ENOX1: variants seen among roughly 807,000 people sequenced by gnomAD.
ENOX1 encodes the protein candidate growth-related and time keeping constitutive hydroquinone (NADH) oxidase.
A neutral mutation model predicts 82.5 loss-of-function variants in ENOX1; 42 were observed. The observed-to-expected ratio is 0.51, with a 90% CI of 0.40 to 0.66. ENOX1 has a LOEUF of 0.66. ENOX1 is among the 30% of genes least tolerant of loss of function. The pLI is 0.00. For synonymous variants in ENOX1, 271 were observed against 282.2 expected, an observed-to-expected ratio of 0.96 and a Z score of 0.40; for missense variants, 608 against 811.6, an observed-to-expected ratio of 0.75 and a Z score of 3.05.
chr13:43,453,163 G>A (rs1469070378), intron 3 of ENOX1, among the ~76,000 whole-genome samples: 1 of 152,148 alleles, frequency 6.6e-6, no homozygotes. Flanking sequence ...ACCAGCCCCA[G>A]GGTCATGTCT....
chr13:43,730,034 G>A (rs548994196), intron 1 of ENOX1, among the ~76,000 whole-genome samples: 4 of 152,248 alleles, frequency 2.6e-5, no homozygotes, highest in South Asian at 4.2e-4. Context: ...CTCTATCTGC[G>A]GAAGATCTCC....
chr13:43,781,559 G>C (rs1438248810), intron 1 of ENOX1, among the ~76,000 whole-genome samples: 1 of 151,804 alleles, frequency 6.6e-6, no homozygotes, highest in Non-Finnish European at 1.5e-5. Context: ...TGTTGCCCAG[G>C]CTGGAGTGCA....
intron 2 of ENOX1, among the ~76,000 whole-genome samples, chr13:43,580,236 ATGTT>A (rs2080649816): frequency 6.6e-6 from 1 of 152,210 alleles, no homozygotes; most frequent in East Asian, 1.9e-4. Flanking sequence ...TTTAATATTT[ATGTT>A]AACTGGGTTT....
At chr13:43,320,884 T>C (rs1299570240) in intron 11 of ENOX1, among the ~76,000 whole-genome samples, 2 of 152,226 alleles carry the variant, frequency 1.3e-5, no homozygotes, top group Non-Finnish European at 2.9e-5. Flanking sequence ...CCTTGCCCCC[T>C]TCTTTTGCTA....
At chr13:43,331,633 T>C (rs1043367972) in intron 9 of ENOX1, among the ~76,000 whole-genome samples, 8 of 152,146 alleles carry the variant, frequency 5.3e-5, no homozygotes, top group Admixed American at 3.9e-4. Context: ...AAAATACTAA[T>C]AGCTAGGGGA....
At chr13:43,290,939 A>G (rs2045966350) in intron 12 of ENOX1, among the ~76,000 whole-genome samples, 1 of 152,138 alleles carries the variant, frequency 6.6e-6, no homozygotes, top group Non-Finnish European at 1.5e-5. Context: ...AGACAAGAGA[A>G]TCACCTGAAC....
chr13:43,611,567 C>T lies in ENOX1; in HGVS notation c.-219+55912G>A, dbSNP rs190884980. ...CTTCAACTCCATTAAGAATATACAT[C>T]TCTGACATTTTAAATATCTTAAGTC... is the stretch of plus-strand genomic sequence containing the variant. On this transcript the variant is annotated intron_variant, in intron 2 of 16. Transcript: ENST00000690772. 9.8e-5 allele frequency among the ~76,000 whole-genome samples: 15 copies of T among 152,316 alleles called. No individual in the cohort carries two copies. In the East Asian group the frequency reaches 2.5e-3, roughly 25 times the overall value.
In ENOX1 at chr13:43,344,768, C is replaced by G. The variant is rs963706657; in HGVS notation, c.824-18G>C. On this transcript the variant is annotated intron_variant, in intron 8 of 16. Transcript: ENST00000690772. ...GCTATCATCTGGAAATGGAAAACCA[C>G]CAAGTACAAATCATGCCAAGATGAG... The G allele has an allele frequency of 6.2e-7, 1 of 1,609,478 alleles. No individual in the cohort carries two copies. The highest frequency in any genetic ancestry group is 8.5e-7 in the Non-Finnish European group (1 of 1,176,046).
chr13:43,355,235 G>A (rs1053505325), intron 8 of ENOX1, among the ~76,000 whole-genome samples: 6 of 152,152 alleles, frequency 3.9e-5, no homozygotes, highest in Admixed American at 2.0e-4. Flanking sequence ...TGTAGTTCAC[G>A]GGGGCAGGTA....
intron 2 of ENOX1, among the ~76,000 whole-genome samples, chr13:43,600,136 A>G (rs1484602298): frequency 1.3e-5 from 2 of 152,082 alleles, no homozygotes; most frequent in Non-Finnish European, 2.9e-5. Context: ...TACGCTTGAG[A>G]AAAGGAAAGG....
intron 2 of ENOX1, among the ~76,000 whole-genome samples, chr13:43,568,586 G>A (rs879662417): frequency 5.3e-5 from 8 of 152,066 alleles, no homozygotes; most frequent in Non-Finnish European, 1.0e-4. Flanking sequence ...AGGAGGGAGA[G>A]CAATGCAAAT....
intron 5 of ENOX1, among the ~76,000 whole-genome samples, chr13:43,391,068 C>A (rs1321647507): frequency 6.6e-6 from 1 of 152,074 alleles, no homozygotes; most frequent in Non-Finnish European, 1.5e-5. Context: ...ACTTCTATCC[C>A]CACAGCTCCC....
At chr13:43,602,143 G>A (rs2153732185) in intron 2 of ENOX1, among the ~76,000 whole-genome samples, 1 of 152,028 alleles carries the variant, frequency 6.6e-6, no homozygotes, top group East Asian at 1.9e-4. Flanking sequence ...AAGCATAAGA[G>A]CAAAGAAAGA....
chr13:43,691,847 C>T (rs2086383208), intron 1 of ENOX1, among the ~76,000 whole-genome samples: 1 of 151,990 alleles, frequency 6.6e-6, no homozygotes, highest in Admixed American at 6.6e-5. Context: ...ACTATAGGCA[C>T]GTGCCACCAC....
At chr13:43,603,590 A>C (rs1210458246) in intron 2 of ENOX1, among the ~76,000 whole-genome samples, 2 of 139,642 alleles carry the variant, frequency 1.4e-5, no homozygotes, top group African/African-American at 2.8e-5. Context: ...TCTTGTGTCC[A>C]TGTGTTCTCA....
At chr13:43,589,404 A>C (rs1331639112) in intron 2 of ENOX1, among the ~76,000 whole-genome samples, 1 of 152,102 alleles carries the variant, frequency 6.6e-6, no homozygotes, top group Non-Finnish European at 1.5e-5. Context: ...CAGGATAAAT[A>C]TAGCAAGAAA....
chr13:43,574,679 C>T (rs1390109302), intron 2 of ENOX1, among the ~76,000 whole-genome samples: 1 of 152,162 alleles, frequency 6.6e-6, no homozygotes, highest in African/African-American at 2.4e-5. Flanking sequence ...TTTTGTTTTC[C>T]ACTTTCATCT....
intron 1 of ENOX1, among the ~76,000 whole-genome samples, chr13:43,737,682 T>C (rs1051974181): frequency 6.6e-6 from 1 of 152,222 alleles, no homozygotes; most frequent in African/African-American, 2.4e-5. Flanking sequence ...GGAAGGAGAC[T>C]AGGATTGGCC....
intron 1 of ENOX1, among the ~76,000 whole-genome samples, chr13:43,681,732 C>T (rs2153798015): frequency 6.7e-6 from 1 of 148,448 alleles, no homozygotes; most frequent in Non-Finnish European, 1.5e-5. Flanking sequence ...CACACACACA[C>T]TATCAGGAGG....
Sources: allele counts gnomAD v4.1 joint callset (sites outside exome capture counted in the v4.1 genomes callset), GRCh38; gene constraint gnomAD v4.1.1; transcripts MANE v1.5; gene names NCBI Gene and HGNC (gene_info 2026-07-23, HGNC 2026-07-21).